The following LYN variants were observed in gnomAD, a reference collection of about 807,000 sequenced individuals.
The protein encoded by LYN is LYN proto-oncogene, Src family tyrosine kinase, also known as tyrosine-protein kinase Lyn.
LYN carries 12 observed loss-of-function variants against 65.0 expected under a neutral mutation model. That is an observed-to-expected ratio of 0.18 (90% CI 0.12 to 0.30). LYN has a LOEUF of 0.30. Ranked by LOEUF, LYN falls within the 10% of genes least tolerant of loss-of-function variation. The pLI is 1.00. For synonymous variants in LYN, 222 were observed against 221.2 expected (o/e 1.00, Z -0.03); for missense variants, 380 against 623.2 (o/e 0.61, Z 4.16).
Position 55,998,424 on chromosome 8 carries a change from G to T in LYN, c.1129G>T (p.Glu377Ter). ...DLRAANVLVS[E>*]SLMCKIADFG... ...GCGAGCAGCTAATGTTCTGGTCTCC[G>T]AGTCACTCATGTGCAAAATTGCAGA... Residue 377 changes from glutamate (E) to a stop codon, truncating the protein, a stop_gained, in exon 11 of 13, where the codon GAG becomes TAG. Transcript: ENST00000519728. LOFTEE classifies it high-confidence loss of function. The T allele has an allele frequency of 6.2e-7, 1 of 1,614,050 alleles. No homozygotes were observed. Among genetic ancestry groups the T allele is most frequent in the Non-Finnish European group, 8.5e-7 (1 of 1,179,936 alleles).
chr8:55,883,089 G>C (rs1804694891), intron 1 of LYN, among the ~76,000 whole-genome samples: 1 of 152,164 alleles, frequency 6.6e-6, no homozygotes. Flanking sequence ...AAAATCATCT[G>C]ACACAAAGCC....
At chr8:55,973,953 T>A (rs1396301479) in intron 10 of LYN, among the ~76,000 whole-genome samples, 5 of 152,174 alleles carry the variant, frequency 3.3e-5, no homozygotes, top group Admixed American at 6.5e-5. Context: ...ACTTGCAAAA[T>A]CAGAGTTGTT....
chr8:56,009,561 T>G (rs970194757), intron 12 of LYN, among the ~76,000 whole-genome samples: 3 of 152,212 alleles, frequency 2.0e-5, no homozygotes, highest in African/African-American at 7.2e-5. Context: ...CCTCCCTGTG[T>G]CTTCACATGG....
chr8:55,930,324 A>G (rs189608901), intron 1 of LYN, among the ~76,000 whole-genome samples: 1 of 152,324 alleles, frequency 6.6e-6, no homozygotes, highest in East Asian at 1.9e-4. Context: ...AATAATTTCT[A>G]TTATGTTACA....
Position 55,923,794 on chromosome 8 carries a change from C to T in LYN, c.-5-18061C>T, listed in dbSNP as rs576778418. Among the ~76,000 whole-genome samples, 30 of 152,226 alleles carry T rather than the reference C, an allele frequency of 2.0e-4. 1 individual carries two copies. The South Asian group carries it at 6.2e-3, about 32-fold the overall frequency. On this transcript the variant is annotated intron_variant, in intron 1 of 12. Transcript: ENST00000519728. ...ACCTCAAGTGATTTGCCTACCTCGG[C>T]CTCCCAATTGTTGGGATTAGAGGCG...
intron 4 of LYN, 41 bp downstream of exon 4, chr8:55,947,764 G>C (rs1279076051): frequency 7.4e-7 from 1 of 1,353,590 alleles, no homozygotes; most frequent in African/African-American, 1.4e-5. Flanking sequence ...CGTTTCCTCA[G>C]GCCACTGAGT....
intron 1 of LYN, among the ~76,000 whole-genome samples, chr8:55,902,331 CTTT>C (rs11424283): frequency 7.5e-6 from 1 of 134,138 alleles, no homozygotes; most frequent in Admixed American, 7.6e-5. Context: ...TTCTTTCTTT[CTTT>C]TTTTTTTTTT....
chr8:55,969,914 T>A, intron 10 of LYN, 121 bp downstream of exon 10: 1 of 835,426 alleles, frequency 1.2e-6, no homozygotes, highest in African/African-American at 1.7e-5. Context: ...CCAGCAGCAG[T>A]TATGAGAAAA....
chr8:55,943,375 A>G (rs186261625), intron 2 of LYN, among the ~76,000 whole-genome samples: 2 of 152,168 alleles, frequency 1.3e-5, no homozygotes, highest in African/African-American at 4.8e-5. Context: ...CAGGAGTTTG[A>G]GACCAGCCTG....
intron 8 of LYN, among the ~76,000 whole-genome samples, chr8:55,958,334 G>A (rs571653156): frequency 9.8e-5 from 15 of 152,322 alleles, no homozygotes; most frequent in African/African-American, 3.6e-4. Context: ...GTTTAGAAGA[G>A]AAGAGAATGG....
At chr8:55,889,620 C>G (rs1168099428) in intron 1 of LYN, among the ~76,000 whole-genome samples, 1 of 152,208 alleles carries the variant, frequency 6.6e-6, no homozygotes, top group African/African-American at 2.4e-5. Context: ...TCTGTTCTCT[C>G]TGGATTGTTC....
intron 1 of LYN, among the ~76,000 whole-genome samples, chr8:55,937,492 G>A (rs1806467720): frequency 6.6e-6 from 1 of 152,120 alleles, no homozygotes; most frequent in African/African-American, 2.4e-5. Flanking sequence ...CCCCTAATGA[G>A]GACATCTAGA....
At chr8:55,891,474 G>C (rs1804962105) in intron 1 of LYN, among the ~76,000 whole-genome samples, 1 of 152,150 alleles carries the variant, frequency 6.6e-6, no homozygotes, top group Admixed American at 6.6e-5. Context: ...CTAATGTGAG[G>C]TTCCTCAAAT....
In LYN at chr8:56,011,973, G is replaced by GTT. The variant is rs149548101; in HGVS notation, c.*1872_*1873dup. On this transcript the variant is annotated 3_prime_UTR_variant, in exon 13 of 13. Coordinates refer to ENST00000519728, the MANE Select transcript of LYN (RefSeq NM_002350.4). ...AGAAGTCTCTAGAAAATGACTAGAGGTTTTTTTTTTAGCATAACAAATTTA... is the reference window on the plus strand; with the variant it reads ...AGAAGTCTCTAGAAAATGACTAGAGGTTTTTTTTTTTTAGCATAACAAATTTA... 2 of 176,952 alleles carry GTT rather than the reference G, an allele frequency of 1.1e-5. No homozygotes were observed. The highest frequency in any genetic ancestry group is 2.4e-5 in the Non-Finnish European group (2 of 83,968). The allele number at this position is 176,952 out of a possible 1,614,324, so 11.0% of individuals were successfully genotyped here. A position where few individuals can be genotyped will look rare whatever the true frequency, so the allele number is the denominator to read the frequency against.
At chr8:55,923,689 G>A (rs2130437570) in intron 1 of LYN, among the ~76,000 whole-genome samples, 1 of 152,132 alleles carries the variant, frequency 6.6e-6, no homozygotes, top group East Asian at 1.9e-4. Flanking sequence ...ACAGGCGCCT[G>A]CTGCCATACC....
intron 1 of LYN, among the ~76,000 whole-genome samples, chr8:55,918,560 T>C (rs957042505): frequency 6.6e-6 from 1 of 152,152 alleles, no homozygotes; most frequent in Non-Finnish European, 1.5e-5. Flanking sequence ...CTAGAAACGA[T>C]TGTTAAGGAA....
chr8:56,011,064 A>G lies in LYN; in HGVS notation c.*954A>G. 4.3e-6 allele frequency: 1 copy of G among 231,582 alleles called. No homozygotes were observed. 14.3% of individuals were successfully genotyped at this position (231,582 alleles called of 1,614,324 possible). On this transcript the variant is annotated 3_prime_UTR_variant, in exon 13 of 13. Transcript: ENST00000519728. Reference sequence around the variant, plus strand: ...ATATTTGAACATTATGTTAAAGATCAAGTATTAATTTTAGTTGTACTCTAG... The same window carrying G: ...ATATTTGAACATTATGTTAAAGATCGAGTATTAATTTTAGTTGTACTCTAG...
intron 1 of LYN, chr8:55,893,550 T>A (rs1280452072): frequency 6.6e-6 from 1 of 152,218 alleles, no homozygotes. Context: ...TTTATTTTTG[T>A]TGGGGGTGAC....
At position 55,967,197 on chromosome 8, in the gene LYN, G is replaced by T. The variant is rs187890370; in HGVS notation, c.973+300G>T. On this transcript the variant is annotated intron_variant, in intron 9 of 12. Coordinates refer to ENST00000519728, the MANE Select transcript of LYN (RefSeq NM_002350.4). Reference sequence around the variant, plus strand: ...AAATATTTATCAAATGAATTACTATGTATTTCAAAAAGGAATTTTTGAAAT... The same window carrying T: ...AAATATTTATCAAATGAATTACTATTTATTTCAAAAAGGAATTTTTGAAAT... Among the ~76,000 whole-genome samples, 80 of 149,470 alleles carry T rather than the reference G, an allele frequency of 5.4e-4. 1 individual carries two copies. The Middle Eastern group carries it at 0.01, about 19-fold the overall frequency.
Sources: gnomAD v4.1 joint callset for allele counts (sites outside exome capture counted in the v4.1 genomes callset) on GRCh38, gnomAD v4.1.1 for gene constraint, MANE v1.5 for transcripts, NCBI Gene and HGNC (gene_info 2026-07-23, HGNC 2026-07-21) for gene names.